The following LCORL variants were observed in gnomAD, a reference collection of about 807,000 sequenced individuals.
LCORL encodes ligand dependent nuclear receptor corepressor like, also known as ligand-dependent nuclear receptor corepressor-like protein.
In LCORL, 41 loss-of-function variants were observed where a neutral mutation model predicts 141.8. That is an observed-to-expected ratio of 0.29 (90% CI 0.23 to 0.38). The LOEUF (loss-of-function observed/expected upper bound fraction) is 0.38, where lower values mean the gene tolerates loss of function less well. Among genes scored for constraint, LCORL ranks in the 10% least tolerant of loss-of-function variants. The pLI is 1.00. For synonymous variants in LCORL, 618 were observed against 694.1 expected (o/e 0.89, Z 1.72); for missense variants, 1,759 against 2,035.0 (o/e 0.86, Z 2.61).
chr4:17,841,994 T>TA (rs1722457473), exon 8 of LCORL: 1 of 230,290 alleles, frequency 4.3e-6, no homozygotes, highest in Non-Finnish European at 8.7e-6. Context: ...TAGAGGTACT[T>TA]CATTATAACA....
exon 8 of LCORL, chr4:17,844,499 C>T (rs1372301483): frequency 2.0e-5 from 3 of 152,332 alleles, no homozygotes; most frequent in Non-Finnish European, 4.4e-5. Context: ...ATATGTGCCT[C>T]ATAGAACTTA....
rs565372558 is a variant in LCORL, at chr4:18,001,735, T to A, written c.154+19863A>T. ...CACAGTTAATAAGTGACATCTACAA[T>A]GTGAACATAAGGTGTTAACTCCAAG... On this transcript the variant is annotated intron_variant, in intron 1 of 7. Transcript: ENST00000635767. Among the ~76,000 whole-genome samples, 94 of 152,328 alleles carry A rather than the reference T, an allele frequency of 6.2e-4. 1 individual carries two copies. Among genetic ancestry groups the A allele is most frequent in the African/African-American group, 2.2e-3 (90 of 41,582 alleles).
At chr4:17,995,502 T>C (rs544426462) in intron 1 of LCORL, among the ~76,000 whole-genome samples, 1 of 152,286 alleles carries the variant, frequency 6.6e-6, no homozygotes, top group African/African-American at 2.4e-5. Flanking sequence ...ACCGGATCAA[T>C]GTATCTAAAT....
chr4:17,860,058 C>T (rs1724821900), intron 7 of LCORL, among the ~76,000 whole-genome samples: 1 of 152,144 alleles, frequency 6.6e-6, no homozygotes, highest in African/African-American at 2.4e-5. Flanking sequence ...AATATTGGGC[C>T]ATATTGCCAA....
At chr4:17,911,702 C>T (rs1157922557) in intron 4 of LCORL, 2 of 502,096 alleles carry the variant, frequency 4.0e-6, no homozygotes, top group Admixed American at 4.3e-5. Flanking sequence ...TCCACCTTCT[C>T]CACCAGCTAC....
intron 1 of LCORL, among the ~76,000 whole-genome samples, chr4:18,019,525 T>G (rs1278540465): frequency 6.6e-6 from 1 of 152,202 alleles, no homozygotes; most frequent in Non-Finnish European, 1.5e-5. Context: ...GTCTTCCAAT[T>G]TTACTTGAAT....
At chr4:17,962,163 T>C (rs940884279) in intron 3 of LCORL, 131 bp from the exon 4 acceptor site, 3 of 470,446 alleles carry the variant, frequency 6.4e-6, no homozygotes, top group East Asian at 6.9e-5. Flanking sequence ...TCAAATTAGA[T>C]AGAGGGAACA....
intron 5 of LCORL, among the ~76,000 whole-genome samples, chr4:17,891,761 A>C (rs150711775): frequency 1.8e-4 from 28 of 152,368 alleles, no homozygotes; most frequent in Non-Finnish European, 5.9e-5. Context: ...ATGTAAAACA[A>C]GAACCCCCAA....
intron 7 of LCORL, among the ~76,000 whole-genome samples, chr4:17,864,486 G>C (rs1725402213): frequency 6.6e-6 from 1 of 152,138 alleles, no homozygotes; most frequent in Admixed American, 6.5e-5. Context: ...ACAGGCATGA[G>C]CCGCCTCACC....
chr4:17,900,101 T>C (rs1730647825), intron 5 of LCORL, among the ~76,000 whole-genome samples: 1 of 152,184 alleles, frequency 6.6e-6, no homozygotes, highest in South Asian at 2.1e-4. Context: ...TTTTTCTTTT[T>C]GCTTTATATA....
At position 18,021,651 on chromosome 4, in the gene LCORL, C is replaced by T; in HGVS notation, c.101G>A (p.Arg34Lys). 2.6e-6 allele frequency: 4 copies of T among 1,546,348 alleles called. No homozygotes were observed. The highest frequency in any genetic ancestry group is 2.8e-5 in the African/African-American group (2 of 72,272). Residue 34 changes from arginine (R) to lysine (K), a missense_variant, in exon 1 of 8, where the codon AGA becomes AAA. This residue lies in a region of LCORL where 86 missense variants were observed against 61.8 expected (regional missense o/e 1.39). Coordinates refer to ENST00000635767, the Ensembl canonical transcript of LCORL. This position sits in a 1 kb window ranked among gnomAD's most constrained non-coding sequence, Gnocchi z 5.5. Reference sequence around the variant, plus strand: ...AGAGTCGAGTTCCCGCCGGAATCCTCTTCTCTCCGCCGCGCACCGAGGGCT... The same window carrying T: ...AGAGTCGAGTTCCCGCCGGAATCCTTTTCTCTCCGCCGCGCACCGAGGGCT...
chr4:17,854,740 T>C (rs1339889608), intron 7 of LCORL, among the ~76,000 whole-genome samples: 1 of 152,148 alleles, frequency 6.6e-6, no homozygotes, highest in African/African-American at 2.4e-5. Context: ...TTTGGTAGGA[T>C]ACTGATGAAT....
intron 2 of LCORL, among the ~76,000 whole-genome samples, chr4:17,971,741 T>C (rs1172613226): frequency 2.0e-5 from 3 of 151,774 alleles, no homozygotes; most frequent in Non-Finnish European, 3.0e-5. Flanking sequence ...TTCAATCTGA[T>C]AGTAAACTTG....
chr4:17,921,446 A>C (rs1368838883), intron 4 of LCORL, among the ~76,000 whole-genome samples: 1 of 152,186 alleles, frequency 6.6e-6, no homozygotes, highest in African/African-American at 2.4e-5. Flanking sequence ...TAAAAAATGT[A>C]TTTCTTTTAT....
intron 1 of LCORL, among the ~76,000 whole-genome samples, chr4:18,002,623 A>G (rs899592067): frequency 6.6e-6 from 1 of 152,230 alleles, no homozygotes; most frequent in Non-Finnish European, 1.5e-5. Flanking sequence ...ACAGTACATC[A>G]GACAACCAAC....
intron 1 of LCORL, among the ~76,000 whole-genome samples, chr4:18,016,021 C>T (rs1724574759): frequency 6.6e-6 from 1 of 151,890 alleles, no homozygotes; most frequent in South Asian, 2.1e-4. Flanking sequence ...TTCTATGGCT[C>T]TAGAATAGTC....
chr4:18,008,491 T>G (rs898584171), intron 1 of LCORL, among the ~76,000 whole-genome samples: 1 of 152,248 alleles, frequency 6.6e-6, no homozygotes, highest in East Asian at 1.9e-4. Context: ...TGAGACTTGC[T>G]AATTTTTAAA....
At chr4:17,842,383 T>G (rs758489610) in exon 8 of LCORL, 4 of 1,610,192 alleles carry the variant, frequency 2.5e-6, no homozygotes, top group African/African-American at 1.3e-5. Context: ...CTGAAAGGTA[T>G]GTCATGCATG....
chr4:17,884,397 C>T lies in LCORL; in HGVS notation c.776+1671G>A. ...GTTAGCTGATGGAGGTAAGTGGAAG[C>T]TGTTGGGAATTTTATTTCTGAGGTT... On this transcript the variant is annotated intron_variant, in intron 6 of 7. Transcript: ENST00000635767. The surrounding 1 kb of genome is among the most constrained non-coding windows in gnomAD (Gnocchi z 4.4). The T allele has an allele frequency of 1.3e-6, 2 of 1,548,966 alleles. No homozygotes were observed. The highest frequency in any genetic ancestry group is 1.7e-6 in the Non-Finnish European group (2 of 1,145,914).
Sources: allele counts gnomAD v4.1 joint callset (sites outside exome capture counted in the v4.1 genomes callset), GRCh38; gene constraint gnomAD v4.1.1; regional missense constraint gnomAD v4.1.1; non-coding constraint Gnocchi (gnomAD v3.1); transcripts MANE v1.5; gene names NCBI Gene and HGNC (gene_info 2026-07-23, HGNC 2026-07-21).